XKR6: variants seen among roughly 807,000 people sequenced by gnomAD.
XKR6 encodes XK-related protein 6.
In XKR6, 22 loss-of-function variants were observed where a neutral mutation model predicts 56.7. The observed-to-expected ratio is 0.39, with a 90% CI of 0.28 to 0.55. XKR6 has a LOEUF of 0.55. Among genes scored for constraint, XKR6 ranks in the 20% least tolerant of loss-of-function variants. The probability of loss-of-function intolerance (pLI) is 0.66; values close to 1 mark genes in which losing one functional copy is unlikely to be tolerated. For synonymous variants in XKR6, 524 were observed against 387.8 expected (o/e 1.35, Z -4.13); for missense variants, 852 against 889.0 (o/e 0.96, Z 0.53).
At chr8:11,078,986 C>T (rs781776600) in intron 1 of XKR6, among the ~76,000 whole-genome samples, 28 of 152,198 alleles carry the variant, frequency 1.8e-4, no homozygotes, top group African/African-American at 2.7e-4. Context: ...AGGACCACTC[C>T]GGGGCGAGGA....
chr8:10,985,203 T>G (rs1055462630), intron 1 of XKR6, among the ~76,000 whole-genome samples: 2 of 152,116 alleles, frequency 1.3e-5, no homozygotes, highest in Non-Finnish European at 2.9e-5. Flanking sequence ...AATTCCCACA[T>G]GTCACGGGAG....
rs1027795704 is a variant in XKR6, at chr8:11,111,101, G to A, written c.764+89475C>T. Among the ~76,000 whole-genome samples, 19 of 144,096 alleles carry A rather than the reference G, an allele frequency of 1.3e-4. No individual in the cohort carries two copies. In the East Asian group the frequency reaches 1.4e-3, roughly 10 times the overall value. The allele number at this position is 144,096 out of a possible 152,430, so 94.5% of individuals were successfully genotyped here. A position where few individuals can be genotyped will look rare whatever the true frequency, so the allele number is the denominator to read the frequency against. The stretch of plus-strand genomic sequence containing the variant: ...GATCTCCTGACCTCGTGATCTGCCC[G>A]CCTCGGCCTCCCAAAGTGCTGGCAT... On this transcript the variant is annotated intron_variant, in intron 1 of 2. Coordinates refer to ENST00000416569, the MANE Select transcript of XKR6 (RefSeq NM_173683.4).
chr8:10,911,199 CGTGTGTGTGT>C (rs745616432), intron 2 of XKR6, among the ~76,000 whole-genome samples: 16 of 126,286 alleles, frequency 1.3e-4, no homozygotes, highest in African/African-American at 1.8e-4. Flanking sequence ...AGAGGGTGTG[CGTGTGTGTGT>C]GTGTGTGTGT....
At chr8:11,089,531 G>T (rs988481620) in intron 1 of XKR6, among the ~76,000 whole-genome samples, 16 of 152,164 alleles carry the variant, frequency 1.1e-4, no homozygotes, top group African/African-American at 3.4e-4. Flanking sequence ...CAGCTACAAG[G>T]GAGGTTGAGG....
intron 1 of XKR6, among the ~76,000 whole-genome samples, chr8:11,112,623 T>C (rs559562691): frequency 1.4e-4 from 22 of 152,194 alleles, no homozygotes; most frequent in Non-Finnish European, 1.8e-4. Flanking sequence ...TCCAAAAGCA[T>C]AAAACAACAC....
Position 11,140,597 on chromosome 8 carries a change from GTTC to G in XKR6, c.764+59976_764+59978del, listed in dbSNP as rs557809641. On this transcript the variant is annotated intron_variant, in intron 1 of 2. Coordinates refer to ENST00000416569, the MANE Select transcript of XKR6 (RefSeq NM_173683.4). Reference sequence around the variant, plus strand: ...ACTAGACAAGGATTCAAGATATGTTGTTCTTAAGAACCCTTCCTGGCCTGGCAT... The same window carrying G: ...ACTAGACAAGGATTCAAGATATGTTGTTAAGAACCCTTCCTGGCCTGGCAT... Among the ~76,000 whole-genome samples the G allele has an allele frequency of 1.5e-3, 224 of 152,256 alleles. 2 individuals are homozygous for G. Among genetic ancestry groups the G allele is most frequent in the Non-Finnish European group, 2.8e-3 (193 of 68,004 alleles).
At chr8:11,108,045 T>C (rs929522998) in intron 1 of XKR6, 1 of 326,432 alleles carries the variant, frequency 3.1e-6, no homozygotes, top group African/African-American at 2.2e-5. Context: ...AGGCTGTATT[T>C]TGTAGGAAAG....
At chr8:11,035,588 C>T (rs1799119845) in intron 1 of XKR6, among the ~76,000 whole-genome samples, 1 of 152,190 alleles carries the variant, frequency 6.6e-6, no homozygotes, top group South Asian at 2.1e-4. Flanking sequence ...CCAGCTGCAT[C>T]TCGAAGTTCT....
intron 1 of XKR6, among the ~76,000 whole-genome samples, chr8:10,944,807 G>C (rs1189701697): frequency 1.3e-5 from 2 of 152,160 alleles, no homozygotes; most frequent in Admixed American, 6.5e-5. Context: ...CAGCCCCTGA[G>C]AGCACATGAA....
At chr8:10,951,794 G>T (rs1586346935) in intron 1 of XKR6, among the ~76,000 whole-genome samples, 3 of 152,138 alleles carry the variant, frequency 2.0e-5, no homozygotes, top group Admixed American at 2.0e-4. Context: ...AGGGAGAAAC[G>T]AGGTTTTCCT....
intron 1 of XKR6, among the ~76,000 whole-genome samples, chr8:11,167,829 C>A (rs1331919564): frequency 6.7e-6 from 1 of 149,950 alleles, no homozygotes; most frequent in Admixed American, 6.7e-5. Flanking sequence ...TGTCAAAACA[C>A]TACCAGGCTA....
chr8:10,903,034 T>C (rs998205013), intron 2 of XKR6, among the ~76,000 whole-genome samples: 1 of 152,022 alleles, frequency 6.6e-6, no homozygotes, highest in Non-Finnish European at 1.5e-5. Flanking sequence ...CAGGACCCCG[T>C]TTGGGAACAG....
intron 1 of XKR6, among the ~76,000 whole-genome samples, chr8:11,190,706 C>T (rs1269544964): frequency 2.0e-5 from 3 of 152,134 alleles, no homozygotes; most frequent in Non-Finnish European, 4.4e-5. Flanking sequence ...AATATCATTC[C>T]TCCATCTTCA....
Position 10,898,814 on chromosome 8 carries a change from C to G in XKR6, c.1064G>C (p.Arg355Thr). The change falls in exon 3 of 3, where the codon AGA (arginine) becomes ACA (threonine). Residue 355 changes from arginine (R) to threonine (T), a missense_variant. Physicochemically the swap from Arg to Thr is moderately conservative, Grantham distance 71. This residue lies in a region of XKR6 where 199 missense variants were observed against 280.4 expected (regional missense o/e 0.71). Transcript: ENST00000416569. The surrounding 1 kb of genome is among the most constrained non-coding windows in gnomAD (Gnocchi z 6.6). ...SRDDKKSMSYRGAIIQVFWRL... is the reference protein window; with the variant it reads ...SRDDKKSMSYTGAIIQVFWRL... ...CCAGAAGACCTGGATGATGGCCCCT[C>G]TGTAGCTCATGCTCTTCTTGTCGTC... is the stretch of plus-strand genomic sequence containing the variant. 1 of 1,614,214 alleles carries G rather than the reference C, an allele frequency of 6.2e-7. No individual in the cohort carries two copies. Among genetic ancestry groups the G allele is most frequent in the Non-Finnish European group, 8.5e-7 (1 of 1,180,044 alleles).
chr8:10,956,450 G>T (rs1314948297), intron 1 of XKR6, among the ~76,000 whole-genome samples: 1 of 152,136 alleles, frequency 6.6e-6, no homozygotes, highest in African/African-American at 2.4e-5. Flanking sequence ...CCTTAGAGAG[G>T]TTCCCCAAGA....
intron 2 of XKR6, among the ~76,000 whole-genome samples, chr8:10,920,095 C>T (rs1034770853): frequency 2.0e-5 from 3 of 152,054 alleles, no homozygotes; most frequent in African/African-American, 7.2e-5. Flanking sequence ...CAAATCCATG[C>T]AAAACTCACC....
At chr8:11,084,616 C>A (rs1464613409) in intron 1 of XKR6, among the ~76,000 whole-genome samples, 6 of 152,332 alleles carry the variant, frequency 3.9e-5, no homozygotes, top group African/African-American at 1.4e-4. Flanking sequence ...CTCCACCCAC[C>A]AGCCTGGTGC....
chr8:11,027,702 C>T (rs916102227), intron 1 of XKR6, among the ~76,000 whole-genome samples: 17 of 152,188 alleles, frequency 1.1e-4, no homozygotes, highest in African/African-American at 3.9e-4. Flanking sequence ...GGCAGTGTGG[C>T]CTGGGGCCAG....
At chr8:10,990,754 AT>A (rs146816016) in intron 1 of XKR6, among the ~76,000 whole-genome samples, 3 of 151,082 alleles carry the variant, frequency 2.0e-5, no homozygotes, top group African/African-American at 4.9e-5. Flanking sequence ...TAATGTTTAA[AT>A]TTTTTTTTGT....
Sources: gnomAD v4.1 joint callset for allele counts (sites outside exome capture counted in the v4.1 genomes callset) on GRCh38, gnomAD v4.1.1 for gene constraint, gnomAD v4.1.1 regional missense constraint, Gnocchi (gnomAD v3.1) non-coding constraint, MANE v1.5 for transcripts, NCBI Gene and HGNC (gene_info 2026-07-23, HGNC 2026-07-21) for gene names.